PDE4D: variants seen among roughly 807,000 people sequenced by gnomAD.
PDE4D encodes phosphodiesterase 4D, also known as 3',5'-cyclic-AMP phosphodiesterase 4D.
PDE4D carries 24 observed loss-of-function variants against 87.4 expected under a neutral mutation model. The observed-to-expected ratio is 0.27, with a 90% CI of 0.20 to 0.39. The LOEUF (loss-of-function observed/expected upper bound fraction) is 0.39, where lower values mean the gene tolerates loss of function less well. PDE4D is among the 10% of genes least tolerant of loss of function. The pLI is 1.00. For synonymous variants in PDE4D, 384 were observed against 383.2 expected, an observed-to-expected ratio of 1.00 and a Z score of -0.02; for missense variants, 714 against 1,041.0, an observed-to-expected ratio of 0.69 and a Z score of 4.32.
At chr5:59,566,585 A>T (rs369584012) in intron 1 of PDE4D, among the ~76,000 whole-genome samples, 40 of 111,898 alleles carry the variant, frequency 3.6e-4, no homozygotes, top group African/African-American at 1.0e-3. Context: ...TGTGTGTGTG[A>T]GAGAATGAGA....
rs142323806 is a variant in PDE4D at position 59,609,372 on chromosome 5, A to G, written c.455+283796T>C. On this transcript the variant is annotated intron_variant, in intron 1 of 14. Coordinates refer to ENST00000340635, the MANE Select transcript of PDE4D (RefSeq NM_001104631.2). ...AAACACGTATATCTCTCTAATTTGT[A>G]TATGTACACACACACACACACACAC... Among the ~76,000 whole-genome samples the G allele has an allele frequency of 8.1e-4, 107 of 131,536 alleles. 1 individual carries two copies. Among genetic ancestry groups the G allele is most frequent in the African/African-American group, 3.0e-3 (104 of 34,862 alleles). 86.3% of individuals were successfully genotyped at this position (131,536 alleles called of 152,430 possible).
intron 5 of PDE4D, among the ~76,000 whole-genome samples, chr5:59,046,914 G>A (rs1010413432): frequency 1.3e-5 from 2 of 152,186 alleles, no homozygotes; most frequent in African/African-American, 4.8e-5. Flanking sequence ...GAAAGAAACT[G>A]GAAGAGTGGA....
At position 60,432,885 on chromosome 5, in the gene PDE4D, G is replaced by T. The variant is rs536770636; in HGVS notation, c.-90+55057C>A. On this transcript the variant is annotated intron_variant, in intron 1 of 16. Coordinates refer to the PDE4D transcript ENST00000502484. ...GACAACTGGCTAATCATATGCCAAA[G>T]ACTGAAACTGGACAGCTTCCTTAGA... Among the ~76,000 whole-genome samples, 101 of 152,256 alleles carry T rather than the reference G, an allele frequency of 6.6e-4. 1 individual carries two copies. The highest frequency in any genetic ancestry group is 2.3e-3 in the African/African-American group (96 of 41,558).
At chr5:59,307,691 C>A (rs867778453) in intron 1 of PDE4D, among the ~76,000 whole-genome samples, 3 of 151,292 alleles carry the variant, frequency 2.0e-5, no homozygotes, top group African/African-American at 7.3e-5. Flanking sequence ...GAATGGCAAT[C>A]ATTCAAAAGT....
chr5:58,996,136 G>C (rs6875727), intron 6 of PDE4D, among the ~76,000 whole-genome samples: 127,972 of 151,998 alleles, frequency 0.84, 53,943 homozygotes, highest in Admixed American at 0.9. Context: ...CAGGGCCTAT[G>C]AGCGGGTAGG....
At chr5:60,449,067 CCGCGCACACA>C (rs1349597055) in intron 1 of PDE4D, among the ~76,000 whole-genome samples, 1 of 129,686 alleles carries the variant, frequency 7.7e-6, no homozygotes, top group Non-Finnish European at 1.5e-5. Flanking sequence ...CCCCAACTGC[CCGCGCACACA>C]CACACACACA....
intron 1 of PDE4D, 148 bp from the exon 2 acceptor site, chr5:59,216,116 T>C (rs1419311291): frequency 9.7e-6 from 6 of 618,870 alleles, no homozygotes; most frequent in African/African-American, 5.5e-5. Context: ...TATGATAATA[T>C]TGAAATACAT....
At chr5:59,506,050 G>A (rs181188488) in intron 1 of PDE4D, among the ~76,000 whole-genome samples, 24 of 152,132 alleles carry the variant, frequency 1.6e-4, no homozygotes, top group Admixed American at 5.9e-4. Context: ...TCTGGGAACC[G>A]TGAGAAAGTA....
At chr5:59,577,682 G>A (rs1262497246) in intron 1 of PDE4D, among the ~76,000 whole-genome samples, 1 of 152,148 alleles carries the variant, frequency 6.6e-6, no homozygotes, top group Non-Finnish European at 1.5e-5. Flanking sequence ...AGCAAGCTCT[G>A]TATAAAGTAG....
intron 1 of PDE4D, among the ~76,000 whole-genome samples, chr5:59,473,342 A>C (rs1332144744): frequency 6.6e-6 from 1 of 152,080 alleles, no homozygotes; most frequent in Non-Finnish European, 1.5e-5. Flanking sequence ...AACTTATCAC[A>C]TTATTACAAT....
At chr5:59,463,015 C>A (rs1801008470) in intron 1 of PDE4D, among the ~76,000 whole-genome samples, 1 of 152,010 alleles carries the variant, frequency 6.6e-6, no homozygotes, top group African/African-American at 2.4e-5. Flanking sequence ...ATCTTGTAAG[C>A]AGTTGCAATG....
intron 1 of PDE4D, among the ~76,000 whole-genome samples, chr5:59,260,441 A>G (rs1761789263): frequency 6.6e-6 from 1 of 151,800 alleles, no homozygotes; most frequent in African/African-American, 2.4e-5. Context: ...GTGTAGTTAC[A>G]TTTCCTATAT....
chr5:59,689,403 A>G (rs1371827808), intron 1 of PDE4D, among the ~76,000 whole-genome samples: 1 of 152,216 alleles, frequency 6.6e-6, no homozygotes, highest in Non-Finnish European at 1.5e-5. Context: ...CTGGGATGCA[A>G]GGCTGGTTCA....
chr5:59,561,930 C>CAAAA (rs34711969), intron 1 of PDE4D, among the ~76,000 whole-genome samples: 1 of 138,978 alleles, frequency 7.2e-6, no homozygotes. Context: ...GAAACGCTGT[C>CAAAA]AAAAAAAAAA....
At chr5:59,235,770 G>T (rs1234249643) in intron 1 of PDE4D, among the ~76,000 whole-genome samples, 1 of 152,112 alleles carries the variant, frequency 6.6e-6, no homozygotes, top group South Asian at 2.1e-4. Flanking sequence ...GAATGAAAAA[G>T]CTGGAAAAGG....
chr5:59,287,450 G>A (rs1022268552), intron 1 of PDE4D, among the ~76,000 whole-genome samples: 3 of 152,092 alleles, frequency 2.0e-5, no homozygotes, highest in African/African-American at 7.2e-5. Context: ...CTGGCTCCTG[G>A]ACGTCATCTC....
chr5:59,513,636 GA>G (rs906871201), intron 1 of PDE4D, among the ~76,000 whole-genome samples: 7 of 151,070 alleles, frequency 4.6e-5, no homozygotes, highest in East Asian at 1.9e-4. Context: ...ACGTAGCATA[GA>G]AAAAAAAATC....
At chr5:59,238,805 C>T (rs948234041) in intron 1 of PDE4D, among the ~76,000 whole-genome samples, 2 of 152,198 alleles carry the variant, frequency 1.3e-5, no homozygotes, top group African/African-American at 4.8e-5. Flanking sequence ...ATGTAACAAT[C>T]TCTCTCATAT....
chr5:59,242,347 G>A (rs1451200942), intron 1 of PDE4D, among the ~76,000 whole-genome samples: 2 of 152,110 alleles, frequency 1.3e-5, no homozygotes, highest in African/African-American at 2.4e-5. Context: ...CAGGTGACCA[G>A]GAGAATCACT....
Sources: gnomAD v4.1 joint callset for allele counts (sites outside exome capture counted in the v4.1 genomes callset) on GRCh38, gnomAD v4.1.1 for gene constraint, MANE v1.5 for transcripts, NCBI Gene and HGNC (gene_info 2026-07-23, HGNC 2026-07-21) for gene names.